The following GRIA2 variants were observed in gnomAD, a reference collection of about 807,000 sequenced individuals.
GRIA2 encodes the protein glutamate ionotropic receptor AMPA type subunit 2.
Under a neutral mutation model 97.3 loss-of-function variants are expected in GRIA2, and 14 were observed. The observed-to-expected ratio is 0.14, with a 90% CI of 0.10 to 0.23. The LOEUF is 0.23. Among genes scored for constraint, GRIA2 ranks in the 10% least tolerant of loss-of-function variants. The probability of loss-of-function intolerance (pLI) is 1.00; values close to 1 mark genes in which losing one functional copy is unlikely to be tolerated. For synonymous variants in GRIA2, 412 were observed against 387.8 expected, an observed-to-expected ratio of 1.06 and a Z score of -0.73; for missense variants, 558 against 1,069.8, an observed-to-expected ratio of 0.52 and a Z score of 6.67.
intron 2 of GRIA2, among the ~76,000 whole-genome samples, chr4:157,237,857 CA>C (rs1195584164): frequency 1.3e-5 from 2 of 152,046 alleles, no homozygotes. Context: ...TGTGTCATAG[CA>C]GTAATATCAC....
intron 2 of GRIA2, among the ~76,000 whole-genome samples, chr4:157,232,530 A>AT (rs1288862125): frequency 1.3e-5 from 2 of 152,020 alleles, no homozygotes; most frequent in African/African-American, 2.4e-5. Flanking sequence ...TTACTTTTAT[A>AT]TTTTTTACCA....
intron 2 of GRIA2, among the ~76,000 whole-genome samples, chr4:157,302,237 G>A (rs1560755417): frequency 1.3e-5 from 2 of 151,286 alleles, no homozygotes; most frequent in African/African-American, 2.4e-5. Flanking sequence ...GCACTGTTCT[G>A]CGGATCGTCA....
intron 2 of GRIA2, among the ~76,000 whole-genome samples, chr4:157,294,050 G>A (rs989547911): frequency 1.3e-5 from 2 of 152,074 alleles, no homozygotes; most frequent in Admixed American, 1.3e-4. Context: ...TGGCACATGC[G>A]CAGGAACCCG....
At position 157,360,072 on chromosome 4, in the gene GRIA2, C is replaced by T; in HGVS notation, c.2220C>T (p.Asp740=). Residue 740 remains aspartate, a synonymous_variant, in exon 13 of 16, where the codon GAC becomes GAT. Coordinates refer to ENST00000264426, the MANE Select transcript of GRIA2 (RefSeq NM_001083619.3). ...NEYIEQRKPC[D]TMKVGGNLDS... ...ACATTGAGCAAAGGAAGCCTTGCGA[C>T]ACCATGAAAGTTGGTGGAAACCTGG... The T allele has an allele frequency of 1.2e-6, 2 of 1,613,854 alleles. No individual in the cohort carries two copies. The highest frequency in any genetic ancestry group is 1.7e-6 in the Non-Finnish European group (2 of 1,179,826).
chr4:157,295,028 C>T (rs1482915836), intron 2 of GRIA2, among the ~76,000 whole-genome samples: 2 of 152,084 alleles, frequency 1.3e-5, no homozygotes. Flanking sequence ...TTTATGTATC[C>T]AGAACCCATC....
chr4:157,363,144 A>T, intron 15 of GRIA2, 97 bp downstream of exon 15: 1 of 1,228,056 alleles, frequency 8.1e-7, no homozygotes. Flanking sequence ...CCAATGGATC[A>T]TCCTGTATGT....
chr4:157,333,922 G>T (rs1217413962), intron 8 of GRIA2, 88 bp from the exon 9 acceptor site: 7 of 696,606 alleles, frequency 1.0e-5, no homozygotes, highest in Non-Finnish European at 1.9e-5. Flanking sequence ...TCTAATTTCA[G>T]ATTCAGACAT....
At chr4:157,312,490 G>T (rs1473522529) in intron 3 of GRIA2, among the ~76,000 whole-genome samples, 189 bp from the exon 4 acceptor site, 1 of 152,094 alleles carries the variant, frequency 6.6e-6, no homozygotes, top group East Asian at 1.9e-4. Flanking sequence ...TAGGTAATGA[G>T]TTTTTGATGT....
At chr4:157,255,011 T>C (rs1242989174) in intron 2 of GRIA2, among the ~76,000 whole-genome samples, 1 of 152,018 alleles carries the variant, frequency 6.6e-6, no homozygotes, top group Non-Finnish European at 1.5e-5. Flanking sequence ...GTCTGGGCTT[T>C]TAGTGTAACC....
At chr4:157,259,786 A>C (rs1731444776) in intron 2 of GRIA2, among the ~76,000 whole-genome samples, 1 of 152,150 alleles carries the variant, frequency 6.6e-6, no homozygotes, top group African/African-American at 2.4e-5. Flanking sequence ...AGACTTGATT[A>C]GAATTTAATG....
chr4:157,225,253 C>T (rs1346217719), intron 2 of GRIA2, among the ~76,000 whole-genome samples: 1 of 151,988 alleles, frequency 6.6e-6, no homozygotes, highest in East Asian at 1.9e-4. Flanking sequence ...ATGAAAGTAC[C>T]TATTTTGTTC....
intron 11 of GRIA2, among the ~76,000 whole-genome samples, chr4:157,338,183 A>T (rs1479906493): frequency 6.6e-6 from 1 of 151,572 alleles, no homozygotes; most frequent in East Asian, 2.0e-4. Context: ...TACTAACCAA[A>T]TTGGGGTCTC....
chr4:157,302,822 G>A (rs2126864857), intron 2 of GRIA2, among the ~76,000 whole-genome samples: 1 of 152,248 alleles, frequency 6.6e-6, no homozygotes, highest in Middle Eastern at 3.4e-3. Context: ...CCATTCACTG[G>A]AAATAGAAAT....
chr4:157,265,686 A>G (rs1411608178), intron 2 of GRIA2, among the ~76,000 whole-genome samples: 2 of 152,134 alleles, frequency 1.3e-5, no homozygotes, highest in Admixed American at 1.3e-4. Context: ...GCTGTAGCCA[A>G]CTTTATTCTG....
At chr4:157,355,528 C>CAAAA (rs200295414) in intron 12 of GRIA2, among the ~76,000 whole-genome samples, 1 of 121,062 alleles carries the variant, frequency 8.3e-6, no homozygotes. Flanking sequence ...GACTTCATGT[C>CAAAA]AAAAAAAAAA....
intron 2 of GRIA2, among the ~76,000 whole-genome samples, chr4:157,227,591 A>C (rs4131622): frequency 0.65 from 99,215 of 151,984 alleles, 32,805 homozygotes; most frequent in East Asian, 0.83. Context: ...ATGTGAGCAG[A>C]GAGTGCATTC....
At chr4:157,336,827 G>T (rs1197273054) in intron 11 of GRIA2, 80 bp downstream of exon 11, 1 of 1,333,658 alleles carries the variant, frequency 7.5e-7, no homozygotes, top group East Asian at 2.3e-5. Context: ...TCACCCTAAA[G>T]AAGTTACCAG....
At chr4:157,280,983 A>G (rs1190221969) in intron 2 of GRIA2, among the ~76,000 whole-genome samples, 1 of 151,968 alleles carries the variant, frequency 6.6e-6, no homozygotes, top group African/African-American at 2.4e-5. Context: ...ACAGTCTCAA[A>G]GTCCATGATC....
At chr4:157,239,445 G>A (rs532998781) in intron 2 of GRIA2, among the ~76,000 whole-genome samples, 1 of 151,986 alleles carries the variant, frequency 6.6e-6, no homozygotes, top group East Asian at 1.9e-4. Flanking sequence ...AAGACAGAAT[G>A]GAAAAGAACT....
Sources: allele counts gnomAD v4.1 joint callset (sites outside exome capture counted in the v4.1 genomes callset), GRCh38; gene constraint gnomAD v4.1.1; transcripts MANE v1.5; gene names NCBI Gene and HGNC (gene_info 2026-07-23, HGNC 2026-07-21).